The following DENND2B variants were observed in gnomAD, a reference collection of about 807,000 sequenced individuals.
The protein encoded by DENND2B is DENN domain containing 2B, also known as DENN domain-containing protein 2B.
DENND2B carries 32 observed loss-of-function variants against 116.0 expected under a neutral mutation model. The observed-to-expected ratio is 0.28, with a 90% CI of 0.21 to 0.37. The LOEUF (loss-of-function observed/expected upper bound fraction) is 0.37, where lower values mean the gene tolerates loss of function less well. DENND2B is among the 10% of genes least tolerant of loss of function. DENND2B has a pLI of 1.00. For missense variants in DENND2B, 1,276 were observed against 1,477.7 expected, an observed-to-expected ratio of 0.86 and a Z score of 2.24; for synonymous variants, 588 against 583.9, an observed-to-expected ratio of 1.01 and a Z score of -0.10.
intron 1 of DENND2B, among the ~76,000 whole-genome samples, chr11:8,757,364 A>G (rs2053797387): frequency 6.6e-6 from 1 of 152,184 alleles, no homozygotes; most frequent in Non-Finnish European, 1.5e-5. Flanking sequence ...CCCTAGTACT[A>G]TCATTCCATT....
chr11:8,905,362 C>A lies in DENND2B; in HGVS notation c.-256+5459G>T, dbSNP rs78687385. Reference sequence around the variant, plus strand: ...TGCATGAAAAGAAATGAATCTAGACCCTTACCTCATAATGCACATAAAAAT... The same window carrying A: ...TGCATGAAAAGAAATGAATCTAGACACTTACCTCATAATGCACATAAAAAT... On this transcript the variant is annotated intron_variant, in intron 1 of 22. Coordinates refer to the DENND2B transcript ENST00000534127. 1.1e-4 allele frequency among the ~76,000 whole-genome samples: 16 copies of A among 152,078 alleles called. No individual in the cohort carries two copies. The East Asian group carries it at 2.9e-3, about 27-fold the overall frequency.
At chr11:8,773,901 T>C (rs1266624700) in intron 1 of DENND2B, among the ~76,000 whole-genome samples, 1 of 152,218 alleles carries the variant, frequency 6.6e-6, no homozygotes, top group African/African-American at 2.4e-5. Flanking sequence ...AAATGTAACA[T>C]TTATAAAAAA....
chr11:8,850,675 A>G (rs2062973512), intron 3 of DENND2B, among the ~76,000 whole-genome samples: 2 of 152,250 alleles, frequency 1.3e-5, no homozygotes, highest in Non-Finnish European at 2.9e-5. Context: ...ACTACTGAGC[A>G]TATATCCAAA....
At chr11:8,821,775 G>A (rs1034300411) in intron 4 of DENND2B, among the ~76,000 whole-genome samples, 1 of 152,134 alleles carries the variant, frequency 6.6e-6, no homozygotes, top group Non-Finnish European at 1.5e-5. Context: ...CTACACTGCT[G>A]CTATTGTAGA....
Position 8,711,918 on chromosome 11 carries a change from C to T in DENND2B, c.2172+633G>A, listed in dbSNP as rs1477091380. 8.9e-6 allele frequency: 4 copies of T among 450,096 alleles called. No individual in the cohort carries two copies. In the East Asian group the frequency reaches 2.1e-4, roughly 24 times the overall value. The allele number at this position is 450,096 out of a possible 1,614,324, so 27.9% of individuals were successfully genotyped here. A position where few individuals can be genotyped will look rare whatever the true frequency, so the allele number is the denominator to read the frequency against. On this transcript the variant is annotated intron_variant, in intron 9 of 19. Transcript: ENST00000313726. ...GGGTTATGTACCAGAGCAAGCTGGG[C>T]AGGGGAGGGGCTCCATGCAGGTGTC...
chr11:8,715,559 C>T (rs551812696), intron 6 of DENND2B, 44 bp downstream of exon 6: 69 of 1,595,980 alleles, frequency 4.3e-5, no homozygotes, highest in African/African-American at 2.0e-4. Flanking sequence ...GCTGCCTGCC[C>T]GCCCACCTGC....
intron 13 of DENND2B, among the ~76,000 whole-genome samples, chr11:8,703,944 C>T (rs1015993025): frequency 1.3e-5 from 2 of 152,306 alleles, no homozygotes; most frequent in African/African-American, 4.8e-5. Context: ...GCCCTTTATA[C>T]CTGCTCCAGG....
In DENND2B at chr11:8,807,198, C is replaced by T. The variant is rs1192657071; in HGVS notation, c.-26+3319G>A. Among the ~76,000 whole-genome samples, 5 of 152,288 alleles carry T rather than the reference C, an allele frequency of 3.3e-5. No individual in the cohort carries two copies. The East Asian group carries it at 9.7e-4, about 29-fold the overall frequency. On this transcript the variant is annotated intron_variant, in intron 1 of 19. Coordinates refer to ENST00000313726, the MANE Select transcript of DENND2B (RefSeq NM_213618.2). ...TTAGGCCCAACGATGGAAATGGGGACGTTTCCAGGGCAATGACAGTTAACA... is the reference window on the plus strand; with the variant it reads ...TTAGGCCCAACGATGGAAATGGGGATGTTTCCAGGGCAATGACAGTTAACA...
intron 1 of DENND2B, among the ~76,000 whole-genome samples, chr11:8,761,029 A>G (rs1184590908): frequency 1.3e-5 from 2 of 152,122 alleles, no homozygotes; most frequent in Non-Finnish European, 2.9e-5. Context: ...CTCCTCCTCA[A>G]AGAAAGCCCT....
chr11:8,741,481 G>A (rs2050201498), intron 2 of DENND2B, among the ~76,000 whole-genome samples: 1 of 152,194 alleles, frequency 6.6e-6, no homozygotes, highest in Non-Finnish European at 1.5e-5. Context: ...ATAAAGCAGA[G>A]CCAGGCATTA....
At chr11:8,871,900 AACCCAT>A (rs888213334), upstream of DENND2B, among the ~76,000 whole-genome samples, 17 of 152,240 alleles carry the variant, frequency 1.1e-4, no homozygotes, top group African/African-American at 4.1e-4. Flanking sequence ...TTAAGATCCA[AACCCAT>A]ACTTAGTGAG....
intron 2 of DENND2B, among the ~76,000 whole-genome samples, chr11:8,870,481 CGT>C (rs370480992): frequency 6.6e-6 from 1 of 150,852 alleles, no homozygotes. Context: ...GTTTGAGTTC[CGT>C]GTGTCTGTGT....
chr11:8,775,882 G>A (rs1025715101), intron 1 of DENND2B, among the ~76,000 whole-genome samples: 1 of 152,074 alleles, frequency 6.6e-6, no homozygotes, highest in African/African-American at 2.4e-5. Flanking sequence ...TGTATGACAA[G>A]CTCCCCTTTA....
chr11:8,783,956 A>C (rs868491407), intron 1 of DENND2B: 26 of 152,228 alleles, frequency 1.7e-4, no homozygotes, highest in African/African-American at 6.0e-4. Flanking sequence ...AGCAGAGAGT[A>C]CAGACAGAAC....
At chr11:8,904,569 A>G (rs2064211718) in intron 1 of DENND2B, among the ~76,000 whole-genome samples, 1 of 152,218 alleles carries the variant, frequency 6.6e-6, no homozygotes, top group Non-Finnish European at 1.5e-5. Flanking sequence ...TACAGGTTCA[A>G]GCCAGTGCGA....
At chr11:8,889,829 AAAC>A (rs200311845) in intron 1 of DENND2B, among the ~76,000 whole-genome samples, 1 of 152,226 alleles carries the variant, frequency 6.6e-6, no homozygotes, top group East Asian at 1.9e-4. Context: ...AGGCATAGCC[AAAC>A]AAAAGGCAGC....
chr11:8,816,041 G>A (rs1342419801), intron 4 of DENND2B, among the ~76,000 whole-genome samples: 3 of 152,168 alleles, frequency 2.0e-5, no homozygotes, highest in Non-Finnish European at 4.4e-5. Context: ...GAAAACACAG[G>A]AACAGAGTAA....
chr11:8,750,369 G>A (rs972505374), intron 2 of DENND2B, among the ~76,000 whole-genome samples: 1 of 152,232 alleles, frequency 6.6e-6, no homozygotes, highest in African/African-American at 2.4e-5. Flanking sequence ...AAGAACATCA[G>A]CTGCTTCTTG....
At chr11:8,817,076 GC>G (rs1379300814) in intron 4 of DENND2B, among the ~76,000 whole-genome samples, 1 of 152,170 alleles carries the variant, frequency 6.6e-6, no homozygotes, top group Non-Finnish European at 1.5e-5. Flanking sequence ...GAAGAAAGGT[GC>G]TAAATTACAG....
Sources: gnomAD v4.1 joint callset for allele counts (sites outside exome capture counted in the v4.1 genomes callset) on GRCh38, gnomAD v4.1.1 for gene constraint, MANE v1.5 for transcripts, NCBI Gene and HGNC (gene_info 2026-07-23, HGNC 2026-07-21) for gene names.